The following ZNF219 variants were observed in gnomAD, a reference collection of about 807,000 sequenced individuals.
ZNF219 encodes zinc finger protein 219.
Under a neutral mutation model 54.4 loss-of-function variants are expected in ZNF219, and 17 were observed. That is an observed-to-expected ratio of 0.31 (90% CI 0.21 to 0.47). The LOEUF (loss-of-function observed/expected upper bound fraction) is 0.47. ZNF219 is among the 20% of genes least tolerant of loss of function. The probability of loss-of-function intolerance (pLI) is 1.00; values close to 1 mark genes in which losing one functional copy is unlikely to be tolerated. For missense variants in ZNF219, 1,014 were observed against 1,062.3 expected (o/e 0.95, Z 0.63); for synonymous variants, 518 against 476.4 (o/e 1.09, Z -1.14).
At chr14:21,097,505 T>TC (rs1033104776) in intron 1 of ZNF219, 3 of 152,212 alleles carry the variant, frequency 2.0e-5, no homozygotes, top group African/African-American at 7.2e-5. Flanking sequence ...CACGTGAGCC[T>TC]CGGTCCTCAG....
At position 21,091,866 on chromosome 14, in the gene ZNF219, C is replaced by A. The variant is rs960498940; in HGVS notation, c.1431G>T (p.Gln477His). ...GGAGAGCGGAGGGTACCTACATACC[C>A]TGCGTGGCGGTCGATCTTGCCTGGG... ...AGAQARSTATQEENGLLVGGT... is the reference protein window; with the variant it reads ...AGAQARSTATHEENGLLVGGT... The change falls in exon 3 of 5, where the codon CAG becomes CAT. Residue 477 changes from glutamine to histidine, a missense_variant and splice_region_variant. By Grantham distance (24) the Gln-to-His change is conservative (BLOSUM62 0). Coordinates refer to ENST00000360947, the MANE Select transcript of ZNF219 (RefSeq NM_016423.3). 1.3e-6 allele frequency: 2 copies of A among 1,545,574 alleles called. No individual in the cohort carries two copies. The highest frequency in any genetic ancestry group is 8.7e-7 in the Non-Finnish European group (1 of 1,152,318).
At position 21,090,881 on chromosome 14, in the gene ZNF219, C is replaced by A; in HGVS notation, c.1824G>T (p.Lys608Asn). Residue 608 changes from lysine to asparagine, a missense_variant, in exon 5 of 5, where the codon AAG (lysine) becomes AAT (asparagine). Transcript: ENST00000360947. The surrounding 1 kb of genome is among the most constrained non-coding windows in gnomAD (Gnocchi z 4.4). Reference sequence around the variant, plus strand: ...GCAGGGTCCTCCCAGGGCTGGCGGGCTTCCGACGGGACCCCGGCCCAGCAC... The same window carrying A: ...GCAGGGTCCTCCCAGGGCTGGCGGGATTCCGACGGGACCCCGGCCCAGCAC... ...SSGAGPGSRR[K>N]PASPGRTLRN... The A allele has an allele frequency of 6.4e-7, 1 of 1,550,966 alleles. No individual in the cohort carries two copies. Among genetic ancestry groups the A allele is most frequent in the South Asian group, 1.2e-5 (1 of 84,384 alleles).
chr14:21,090,768 T>C lies in ZNF219; in HGVS notation c.1937A>G (p.His646Arg), dbSNP rs1333764120. ...GGCGAACGGGCAGAAGAGGCAGCGG[T>C]GGAGGGCACCCCCAGGCCCGGCCTC... ...GGEAGPGGAL[H>R]RCLFCPFATG... Residue 646 changes from histidine (H) to arginine (R), a missense_variant, in exon 5 of 5, where the codon CAC becomes CGC. By Grantham distance (29) the His-to-Arg change is conservative (BLOSUM62 0). Coordinates refer to ENST00000360947, the MANE Select transcript of ZNF219 (RefSeq NM_016423.3). The surrounding 1 kb of genome is among the most constrained non-coding windows in gnomAD (Gnocchi z 4.4). 3 of 1,603,350 alleles carry C rather than the reference T, an allele frequency of 1.9e-6. No homozygotes were observed. The highest frequency in any genetic ancestry group is 2.6e-6 in the Non-Finnish European group (3 of 1,175,866).
chr14:21,090,302 G>A lies in ZNF219; in HGVS notation c.*234C>T, dbSNP rs974784480. Reference sequence around the variant, plus strand: ...CACAAACCTTCTCTGCCAGCCCAGGGACCCCGTTCTTTGACCCTCACCTCT... The same window carrying A: ...CACAAACCTTCTCTGCCAGCCCAGGAACCCCGTTCTTTGACCCTCACCTCT... On this transcript the variant is annotated 3_prime_UTR_variant, in exon 5 of 5. Coordinates refer to ENST00000360947, the MANE Select transcript of ZNF219 (RefSeq NM_016423.3). This position sits in a 1 kb window ranked among gnomAD's most constrained non-coding sequence, Gnocchi z 4.4. 1 of 706,144 alleles carries A rather than the reference G, an allele frequency of 1.4e-6. No homozygotes were observed. Among genetic ancestry groups the A allele is most frequent in the Non-Finnish European group, 2.6e-6 (1 of 390,836 alleles). 43.7% of individuals were successfully genotyped at this position (706,144 alleles called of 1,614,324 possible).
upstream of ZNF219, chr14:21,102,336 G>C: frequency 6.6e-7 from 1 of 1,520,424 alleles, no homozygotes; most frequent in Non-Finnish European, 8.9e-7. Context: ...CTTCAGCTAG[G>C]CTGCAAGTGG....
chr14:21,098,726 G>T, upstream of ZNF219: 1 of 1,184,556 alleles, frequency 8.4e-7, no homozygotes, highest in Non-Finnish European at 1.1e-6. Context: ...TCCAACAGGA[G>T]ACTGGAAGAG....
chr14:21,093,643 AGCT>A lies in ZNF219; in HGVS notation c.-55_-53del. 1 of 1,614,076 alleles carries A rather than the reference AGCT, an allele frequency of 6.2e-7. No individual in the cohort carries two copies. The highest frequency in any genetic ancestry group is 1.1e-5 in the South Asian group (1 of 91,076). On this transcript the variant is annotated 5_prime_UTR_variant, in exon 2 of 5. Coordinates refer to ENST00000360947, the MANE Select transcript of ZNF219 (RefSeq NM_016423.3). ...GGGAAGTGCAGGGAAGAGGAGGAAA[AGCT>A]GCTAATGAAGGCAACAGGTGCTGTG...
upstream of ZNF219, chr14:21,102,182 C>A: frequency 6.6e-7 from 1 of 1,504,744 alleles, no homozygotes; most frequent in South Asian, 1.3e-5. Flanking sequence ...CTACAACCCT[C>A]AGCCTAGGAA....
Position 21,098,612 on chromosome 14 carries a change from G to A in ZNF219, c.-384C>T, listed in dbSNP as rs1889454508. On this transcript the variant is annotated 5_prime_UTR_variant, in exon 1 of 5. Transcript: ENST00000360947. ...CAGGGAGCTGGGGACCCCGGGAGCCGCGAGAGGCGGCCGCCAGGGGCGGGG... is the reference window on the plus strand; with the variant it reads ...CAGGGAGCTGGGGACCCCGGGAGCCACGAGAGGCGGCCGCCAGGGGCGGGG... 2 of 1,020,656 alleles carry A rather than the reference G, an allele frequency of 2.0e-6. No individual in the cohort carries two copies. The highest frequency in any genetic ancestry group is 1.1e-4 in the East Asian group (1 of 8,936). 63.2% of individuals were successfully genotyped at this position (1,020,656 alleles called of 1,614,324 possible).
upstream of ZNF219, chr14:21,101,989 C>A (rs1229341927): frequency 1.3e-6 from 2 of 1,551,068 alleles, no homozygotes; most frequent in East Asian, 4.9e-5. Flanking sequence ...AGACCCACCA[C>A]AAGGGAGGGT....
upstream of ZNF219, chr14:21,102,787 G>A (rs976902006): frequency 1.3e-6 from 2 of 1,547,438 alleles, no homozygotes; most frequent in African/African-American, 1.4e-5. Context: ...GAGGTATGGG[G>A]GCAGGGAAGA....
At chr14:21,099,128 C>T (rs1374734592), upstream of ZNF219, 1 of 231,876 alleles carries the variant, frequency 4.3e-6, no homozygotes, top group Non-Finnish European at 8.8e-6. Flanking sequence ...AGGCACTGGG[C>T]TCAGCGCTGT....
At position 21,092,969 on chromosome 14, in the gene ZNF219, C is replaced by T. The variant is rs1295747661; in HGVS notation, c.328G>A (p.Glu110Lys). Residue 110 changes from glutamate (E) to lysine (K), a missense_variant, in exon 3 of 5, where the codon GAG (glutamate) becomes AAG (lysine). Around this residue, in one of 5 missense-constraint regions of ZNF219, gnomAD observed 395 missense variants for 415.1 expected, o/e 0.95. Transcript: ENST00000360947. ...CGTGCAGCAGGACTACGTGGGCGCTCGGGCTGGTGTGTGCGCAGGTGCGAG... is the reference window on the plus strand; with the variant it reads ...CGTGCAGCAGGACTACGTGGGCGCTTGGGCTGGTGTGTGCGCAGGTGCGAG... Reference protein sequence around the residue: ...LRSHLRTHQPERPRSPAARLL... With the variant: ...LRSHLRTHQPKRPRSPAARLL... 2 of 1,589,506 alleles carry T rather than the reference C, an allele frequency of 1.3e-6. No individual in the cohort carries two copies. Among genetic ancestry groups the T allele is most frequent in the Admixed American group, 1.7e-5 (1 of 57,194 alleles).
At position 21,090,657 on chromosome 14, in the gene ZNF219, G is replaced by A. The variant is rs763190669; in HGVS notation, c.2048C>T (p.Ala683Val). The A allele has an allele frequency of 1.9e-6, 3 of 1,612,492 alleles. No homozygotes were observed. The highest frequency in any genetic ancestry group is 1.1e-5 in the South Asian group (1 of 91,056). The change falls in exon 5 of 5, where the codon GCG (alanine) becomes GTG (valine). Residue 683 changes from alanine (A) to valine (V), a missense_variant. By Grantham distance (64) the Ala-to-Val change is moderately conservative. Transcript: ENST00000360947. The surrounding 1 kb of genome is among the most constrained non-coding windows in gnomAD (Gnocchi z 4.4). ...ARGRRPPQAD[A>V]SPPYARVPSG... ...TGGTACTCGGGCATAGGGCGGGGAC[G>A]CGTCAGCCTGGGGTGGCCGGCGGCC...
At chr14:21,102,580 G>C, upstream of ZNF219, 1 of 1,551,268 alleles carries the variant, frequency 6.4e-7, no homozygotes, top group South Asian at 1.2e-5. Flanking sequence ...AGGGAAAAGG[G>C]CAGGGGCAAA....
chr14:21,101,212 C>T, upstream of ZNF219: 2 of 814,438 alleles, frequency 2.5e-6, no homozygotes, highest in Non-Finnish European at 3.9e-6. Context: ...GACCTCAAAT[C>T]CCTGGATATT....
At chr14:21,093,524 T>A in intron 2 of ZNF219, 62 bp downstream of exon 2, 1 of 1,558,574 alleles carries the variant, frequency 6.4e-7, no homozygotes, top group South Asian at 1.1e-5. Context: ...GAGAGAGAGG[T>A]AGGCAGGAGA....
In ZNF219 at chr14:21,092,920, C is replaced by A; in HGVS notation, c.377G>T (p.Arg126Leu). Residue 126 changes from arginine (R) to leucine (L), a missense_variant, in exon 3 of 5, where the codon CGC becomes CTC. Around this residue, in one of 5 missense-constraint regions of ZNF219, gnomAD observed 395 missense variants for 415.1 expected, o/e 0.95. Coordinates refer to ENST00000360947, the MANE Select transcript of ZNF219 (RefSeq NM_016423.3). The stretch of plus-strand genomic sequence containing the variant: ...CAGTCGGGCCTCGCGTAGTAGCGCG[C>A]GCTCTTCCAACTCCAGCAACAGGCG... ...AARLLLELEE[R>L]ALLREARLGR... The A allele has an allele frequency of 1.9e-6, 3 of 1,562,500 alleles. No homozygotes were observed. Among genetic ancestry groups the A allele is most frequent in the South Asian group, 1.2e-5 (1 of 84,190 alleles).
At position 21,098,434 on chromosome 14, in the gene ZNF219, C is replaced by A; in HGVS notation, c.-206G>T. ...GGAGATGCGCCGGGCCCCGGCCCCC[C>A]CGCCCCCGGCCCGGCCCCCGCCCCC... is the stretch of plus-strand genomic sequence containing the variant. On this transcript the variant is annotated 5_prime_UTR_variant, in exon 1 of 5. Coordinates refer to ENST00000360947, the MANE Select transcript of ZNF219 (RefSeq NM_016423.3). 1.5e-6 allele frequency: 1 copy of A among 681,516 alleles called. No homozygotes were observed. Among genetic ancestry groups the A allele is most frequent in the Non-Finnish European group, 1.8e-6 (1 of 556,940 alleles). The allele number at this position is 681,516 out of a possible 1,614,324, so 42.2% of individuals were successfully genotyped here.
Sources: gnomAD v4.1 joint callset for allele counts on GRCh38, gnomAD v4.1.1 for gene constraint, gnomAD v4.1.1 regional missense constraint, Gnocchi (gnomAD v3.1) non-coding constraint, MANE v1.5 for transcripts, NCBI Gene and HGNC (gene_info 2026-07-23, HGNC 2026-07-21) for gene names.